The following USH2A variants were observed in gnomAD, a reference collection of about 807,000 sequenced individuals.
USH2A encodes Usher syndrome 2A (autosomal recessive, mild).
Under a neutral mutation model 538.9 loss-of-function variants are expected in USH2A, and 443 were observed. That is an observed-to-expected ratio of 0.82 (90% CI 0.76 to 0.89). The LOEUF is 0.89. USH2A is among the 40% of genes least tolerant of loss of function. The probability of loss-of-function intolerance (pLI) is 0.00; values close to 1 mark genes in which losing one functional copy is unlikely to be tolerated. For missense variants in USH2A, 6,633 were observed against 6,324.8 expected, an observed-to-expected ratio of 1.05 and a Z score of -1.65; for synonymous variants, 2,413 against 2,273.5, an observed-to-expected ratio of 1.06 and a Z score of -1.75.
At chr1:215,814,020 T>A (rs536554690) in intron 48 of USH2A, 116 bp from the exon 49 acceptor site, 1 of 1,168,312 alleles carries the variant, frequency 8.6e-7, no homozygotes, top group East Asian at 2.6e-5. Flanking sequence ...GAGACCATAT[T>A]ACTCATATTT....
chr1:216,074,919 A>G (rs2031697939), intron 27 of USH2A, among the ~76,000 whole-genome samples: 2 of 152,170 alleles, frequency 1.3e-5, no homozygotes, highest in Admixed American at 1.3e-4. Flanking sequence ...AGAGTTCTTC[A>G]GAGGGATGGT....
chr1:216,030,457 T>G (rs1273512219), intron 32 of USH2A, among the ~76,000 whole-genome samples: 3 of 129,284 alleles, frequency 2.3e-5, no homozygotes, highest in Non-Finnish European at 4.7e-5. Context: ...TAGATATATA[T>G]CACAGACATA....
intron 37 of USH2A, among the ~76,000 whole-genome samples, chr1:215,939,146 T>C (rs1306081845): frequency 6.6e-6 from 1 of 151,992 alleles, no homozygotes; most frequent in Non-Finnish European, 1.5e-5. Flanking sequence ...AACATCAGGG[T>C]TTCTGATTTA....
rs147371835 is a variant in USH2A, at chr1:216,083,489, G to A, written c.5265C>T (p.Phe1755=). The A allele has an allele frequency of 1.3e-4, 210 of 1,612,078 alleles. No homozygotes were observed. The African/African-American group carries it at 2.0e-3, about 15-fold the overall frequency. The stretch of plus-strand genomic sequence containing the variant: ...AATCAGGTCCATCTTTGTTATAAAC[G>A]AAAAGAAGCAATCCATTTAATTGGT... ...RTDQLNGLLL[F]VYNKDGPDFL... The change falls in exon 26 of 72, where the codon TTC becomes TTT. Residue 1755 remains phenylalanine (F), a synonymous_variant. Coordinates refer to ENST00000307340, the MANE Select transcript of USH2A (RefSeq NM_206933.4).
chr1:216,256,217 G>A (rs1363334135), intron 11 of USH2A, among the ~76,000 whole-genome samples: 3 of 151,090 alleles, frequency 2.0e-5, no homozygotes, highest in African/African-American at 7.3e-5. Context: ...TTTAAGTGGA[G>A]TATTTAGAAT....
chr1:215,949,102 T>C (rs1666846424), intron 37 of USH2A, among the ~76,000 whole-genome samples: 3 of 152,080 alleles, frequency 2.0e-5, no homozygotes, highest in African/African-American at 7.2e-5. Context: ...CAGAGATTTA[T>C]AAATATTTTT....
intron 52 of USH2A, among the ~76,000 whole-genome samples, chr1:215,785,580 A>C (rs1019421282): frequency 1.3e-5 from 2 of 152,208 alleles, no homozygotes. Flanking sequence ...TAATGGGTGC[A>C]GCACACCAAC....
chr1:216,078,089 C>T lies in USH2A; in HGVS notation c.5572G>A (p.Gly1858Ser), dbSNP rs2031812837. 6.2e-7 allele frequency: 1 copy of T among 1,613,406 alleles called. No individual in the cohort carries two copies. The highest frequency in any genetic ancestry group is 1.3e-5 in the African/African-American group (1 of 74,866). ...GTGAATTCCTCCAGATGGAACTTAC[C>T]TTGTTCCAAACACAAATGTTGATAA... Reference protein sequence around the residue: ...NSYQHLCLEQGFGGCMKDVKF... With the variant: ...NSYQHLCLEQSFGGCMKDVKF... Residue 1858 changes from glycine (G) to serine (S), a missense_variant and splice_region_variant, in exon 27 of 72, where the codon GGT becomes AGT. Gly to Ser is a moderately conservative substitution (Grantham distance 56). Transcript: ENST00000307340.
intron 58 of USH2A, among the ~76,000 whole-genome samples, chr1:215,755,048 C>A (rs2102738004): frequency 6.6e-6 from 1 of 152,278 alleles, no homozygotes; most frequent in Non-Finnish European, 1.5e-5. Flanking sequence ...ACATTGTTCT[C>A]CCAGAATCAT....
intron 21 of USH2A, among the ~76,000 whole-genome samples, chr1:216,159,537 T>TACACACACACACACACACAC (rs60343349): frequency 2.5e-4 from 36 of 146,932 alleles, no homozygotes; most frequent in African/African-American, 8.1e-4. Context: ...TTTATTTATG[T>TACACACACACACACACACAC]ACACACACAC....
chr1:216,384,400 T>C (rs1337015990), intron 3 of USH2A, among the ~76,000 whole-genome samples: 1 of 151,972 alleles, frequency 6.6e-6, no homozygotes, highest in Non-Finnish European at 1.5e-5. Flanking sequence ...CTAAATGAAA[T>C]AAGAATACAC....
intron 7 of USH2A, 91 bp downstream of exon 7, chr1:216,324,077 G>A: frequency 2.9e-6 from 4 of 1,378,890 alleles, no homozygotes; most frequent in Admixed American, 4.2e-5. Context: ...GGTGGTGAAG[G>A]GAAGTCTCCA....
intron 12 of USH2A, 112 bp downstream of exon 12, chr1:216,250,791 A>T: frequency 1.7e-6 from 2 of 1,152,746 alleles, no homozygotes; most frequent in Non-Finnish European, 1.3e-6. Context: ...TTTTTTTTCC[A>T]GCCTGTCTTG....
intron 3 of USH2A, among the ~76,000 whole-genome samples, chr1:216,416,042 T>A (rs146242633): frequency 6.6e-6 from 1 of 152,012 alleles, no homozygotes; most frequent in South Asian, 2.1e-4. Flanking sequence ...TGTAGGCACC[T>A]GTAATCTCAG....
intron 4 of USH2A, among the ~76,000 whole-genome samples, chr1:216,352,782 G>A (rs376137025): frequency 3.7e-4 from 56 of 152,170 alleles, no homozygotes; most frequent in African/African-American, 1.2e-3. Context: ...GTATGCCAGT[G>A]GTGGATAAAT....
At chr1:216,034,691 A>C (rs1011663578) in intron 32 of USH2A, among the ~76,000 whole-genome samples, 2 of 152,108 alleles carry the variant, frequency 1.3e-5, no homozygotes, top group East Asian at 3.9e-4. Flanking sequence ...TGACTGACAG[A>C]CACCTGCCAG....
At chr1:216,107,208 A>G (rs2032755318) in intron 21 of USH2A, among the ~76,000 whole-genome samples, 1 of 151,748 alleles carries the variant, frequency 6.6e-6, no homozygotes, top group African/African-American at 2.4e-5. Flanking sequence ...AACTTCTTTT[A>G]TTAAGTACTA....
chr1:215,775,284 T>C (rs911220343), intron 55 of USH2A, among the ~76,000 whole-genome samples: 2 of 152,168 alleles, frequency 1.3e-5, no homozygotes, highest in African/African-American at 4.8e-5. Flanking sequence ...GTCTTGAAAT[T>C]TTAATGATTT....
chr1:216,256,963 T>C lies in USH2A; in HGVS notation c.1972-5865A>G, dbSNP rs370846779. Among the ~76,000 whole-genome samples the C allele has an allele frequency of 5.9e-5, 9 of 152,028 alleles. No individual in the cohort carries two copies. In the South Asian group the frequency reaches 1.9e-3, roughly 32 times the overall value. On this transcript the variant is annotated intron_variant, in intron 11 of 71. Coordinates refer to ENST00000307340, the MANE Select transcript of USH2A (RefSeq NM_206933.4). The stretch of plus-strand genomic sequence containing the variant: ...GGTCAAGGGTACTTCCTTTTCCCCC[T>C]CTTAATTATTGTGTTATTACTGCCA...
Sources: gnomAD v4.1 joint callset for allele counts (sites outside exome capture counted in the v4.1 genomes callset) on GRCh38, gnomAD v4.1.1 for gene constraint, MANE v1.5 for transcripts, NCBI Gene and HGNC (gene_info 2026-07-23, HGNC 2026-07-21) for gene names.